ESCO2: variants seen among roughly 807,000 people sequenced by gnomAD.
ESCO2 encodes establishment of sister chromatid cohesion N-acetyltransferase 2, also known as N-acetyltransferase ESCO2.
Under a neutral mutation model 61.7 loss-of-function variants are expected in ESCO2, and 51 were observed. The observed-to-expected ratio is 0.83, with a 90% CI of 0.66 to 1.04. The LOEUF (loss-of-function observed/expected upper bound fraction) is 1.04, where lower values mean the gene tolerates loss of function less well. Among genes scored for constraint, ESCO2 ranks in the 50% least tolerant of loss-of-function variants. ESCO2 has a pLI of 0.00. For missense variants in ESCO2, 692 were observed against 686.2 expected (o/e 1.01, Z -0.09); for synonymous variants, 230 against 238.2 (o/e 0.97, Z 0.32).
chr8:27,807,577 G>A, downstream of ESCO2, among the ~76,000 whole-genome samples: 1 of 152,206 alleles, frequency 6.6e-6, no homozygotes, highest in East Asian at 1.9e-4. Context: ...TGTAGTAAAG[G>A]TTTTTTCATT....
At chr8:27,780,987 A>G (rs1169552818) in intron 4 of ESCO2, among the ~76,000 whole-genome samples, 3 of 152,214 alleles carry the variant, frequency 2.0e-5, no homozygotes, top group South Asian at 4.1e-4. Context: ...GATACAATAG[A>G]AAATATAACA....
chr8:27,811,001 TAA>T (rs1255526741), downstream of ESCO2: 1 of 1,612,394 alleles, frequency 6.2e-7, no homozygotes, highest in East Asian at 2.2e-5. Context: ...GTGGAATCGA[TAA>T]AGTCATCATT....
At chr8:27,777,411 A>G in intron 3 of ESCO2, 1 of 290,232 alleles carries the variant, frequency 3.4e-6, no homozygotes, top group Non-Finnish European at 6.4e-6. Flanking sequence ...AAGCAATCCC[A>G]CCTCAGCCTC....
At chr8:27,791,023 T>C (rs975163397) in intron 7 of ESCO2, among the ~76,000 whole-genome samples, 2 of 152,080 alleles carry the variant, frequency 1.3e-5, no homozygotes, top group Admixed American at 1.3e-4. Flanking sequence ...CCTATCACAT[T>C]CCCCCCAAAT....
At chr8:27,809,211 C>T (rs1001488696), downstream of ESCO2, among the ~76,000 whole-genome samples, 1 of 152,124 alleles carries the variant, frequency 6.6e-6, no homozygotes, top group African/African-American at 2.4e-5. Context: ...ATTATACATA[C>T]GTTTTTCTAC....
At chr8:27,805,477 A>G (rs1437919410), downstream of ESCO2, among the ~76,000 whole-genome samples, 1 of 152,076 alleles carries the variant, frequency 6.6e-6, no homozygotes, top group African/African-American at 2.4e-5. Context: ...ATGATTTGCT[A>G]TTGATACTGT....
intron 10 of ESCO2, among the ~76,000 whole-genome samples, chr8:27,800,391 T>C (rs1805397238): frequency 1.3e-5 from 2 of 152,300 alleles, no homozygotes; most frequent in Admixed American, 6.5e-5. Context: ...TCAACATCTT[T>C]ATCAGGGAAA....
chr8:27,801,114 AAT>A (rs1391119894), intron 10 of ESCO2, among the ~76,000 whole-genome samples: 1 of 152,198 alleles, frequency 6.6e-6, no homozygotes, highest in African/African-American at 2.4e-5. Flanking sequence ...CAACCAAAAA[AAT>A]GAGTGTCCAG....
chr8:27,797,913 T>C (rs1322002185), intron 9 of ESCO2, among the ~76,000 whole-genome samples: 1 of 152,196 alleles, frequency 6.6e-6, no homozygotes, highest in Non-Finnish European at 1.5e-5. Context: ...CTCAAAGAAG[T>C]AGACTGTTAT....
upstream of ESCO2, chr8:27,772,024 T>C (rs867055161): frequency 5.1e-5 from 8 of 156,348 alleles, no homozygotes; most frequent in South Asian, 3.5e-4. Flanking sequence ...GGTCTTTTTA[T>C]TGTTTTCTGT....
chr8:27,776,693 A>G lies in ESCO2; in HGVS notation c.385A>G (p.Lys129Glu). The G allele has an allele frequency of 6.2e-7, 1 of 1,613,858 alleles. No homozygotes were observed. The highest frequency in any genetic ancestry group is 1.6e-4 in the Middle Eastern group (1 of 6,062). Residue 129 changes from lysine to glutamate, a missense_variant, in exon 3 of 11, where the codon AAA (lysine) becomes GAA (glutamate). Transcript: ENST00000305188. ...CATTGTGACAGAAAAAATGCAAGGAAAACCAGTCTGCTCCAAGAAGAACAA... is the reference window on the plus strand; with the variant it reads ...CATTGTGACAGAAAAAATGCAAGGAGAACCAGTCTGCTCCAAGAAGAACAA... ...FPIVTEKMQG[K>E]PVCSKKNNKK...
At chr8:27,789,466 T>C (rs1805124525) in intron 7 of ESCO2, among the ~76,000 whole-genome samples, 1 of 152,162 alleles carries the variant, frequency 6.6e-6, no homozygotes, top group Non-Finnish European at 1.5e-5. Context: ...CCCATAGTGC[T>C]ACCAGAAATA....
chr8:27,788,125 G>C (rs1219714822), intron 6 of ESCO2, 123 bp downstream of exon 6: 1 of 709,158 alleles, frequency 1.4e-6, no homozygotes, highest in Non-Finnish European at 2.5e-6. Context: ...TTATGTGACA[G>C]AATGGGAGTT....
chr8:27,791,909 GT>G (rs11402833), intron 7 of ESCO2, 53 bp from the exon 8 acceptor site: 8 of 1,474,496 alleles, frequency 5.4e-6, no homozygotes, highest in African/African-American at 4.2e-5. Context: ...TTTAATGTTG[GT>G]TTTTTTTCCT....
In ESCO2 at chr8:27,787,252, A is replaced by G. The variant is rs1019049442; in HGVS notation, c.1014-633A>G. Among the ~76,000 whole-genome samples, 18 of 152,312 alleles carry G rather than the reference A, an allele frequency of 1.2e-4. No individual in the cohort carries two copies. In the East Asian group the frequency reaches 2.9e-3, roughly 24 times the overall value. ...TGAGGGGCTCCAGTTTGCAACCTCT[A>G]TAAGTGAATCTCAACATTCTTTCAT... On this transcript the variant is annotated intron_variant, in intron 5 of 10. Coordinates refer to ENST00000305188, the MANE Select transcript of ESCO2 (RefSeq NM_001017420.3).
intron 9 of ESCO2, 105 bp from the exon 10 acceptor site, chr8:27,799,436 G>T: frequency 9.0e-7 from 1 of 1,113,688 alleles, no homozygotes; most frequent in Non-Finnish European, 1.4e-6. Flanking sequence ...TAACATACTT[G>T]GAGATATAAG....
intron 9 of ESCO2, 100 bp from the exon 10 acceptor site, chr8:27,799,441 T>TA: frequency 8.5e-7 from 1 of 1,171,412 alleles, no homozygotes. Flanking sequence ...TACTTGGAGA[T>TA]ATAAGTTAAA....
At position 27,791,672 on chromosome 8, in the gene ESCO2, G is replaced by A. The variant is rs996480417; in HGVS notation, c.1264-291G>A. 7.2e-5 allele frequency among the ~76,000 whole-genome samples: 11 copies of A among 151,930 alleles called. No individual in the cohort carries two copies. The East Asian group carries it at 9.7e-4, about 13-fold the overall frequency. ...CTGACCTCAAGTGATCCACCCACCC[G>A]GGCCTCCCAAAGTGCTAGGATTACA... On this transcript the variant is annotated intron_variant, in intron 7 of 10. Coordinates refer to ENST00000305188, the MANE Select transcript of ESCO2 (RefSeq NM_001017420.3).
At chr8:27,778,011 C>G (rs973400864) in intron 3 of ESCO2, 1 of 152,172 alleles carries the variant, frequency 6.6e-6, no homozygotes, top group African/African-American at 2.4e-5. Context: ...AAATTGGTGG[C>G]CAGTAAACCA....
Sources: gnomAD v4.1 joint callset for allele counts (sites outside exome capture counted in the v4.1 genomes callset) on GRCh38, gnomAD v4.1.1 for gene constraint, MANE v1.5 for transcripts, NCBI Gene and HGNC (gene_info 2026-07-23, HGNC 2026-07-21) for gene names.